TRIT1: variants seen among roughly 807,000 people sequenced by gnomAD.
TRIT1 encodes the protein tRNA dimethylallyltransferase.
In TRIT1, 43 loss-of-function variants were observed where a neutral mutation model predicts 51.2. The observed-to-expected ratio is 0.84, with a 90% CI of 0.66 to 1.08. The LOEUF (loss-of-function observed/expected upper bound fraction) is 1.08. Ranked by LOEUF, TRIT1 falls within the 50% of genes least tolerant of loss-of-function variation. The probability of loss-of-function intolerance (pLI) is 0.00; values close to 1 mark genes in which losing one functional copy is unlikely to be tolerated. For synonymous variants in TRIT1, 184 were observed against 203.9 expected (o/e 0.90, Z 0.83); for missense variants, 528 against 578.4 (o/e 0.91, Z 0.89).
At chr1:39,864,943 C>T (rs150563368) in intron 1 of TRIT1, among the ~76,000 whole-genome samples, 32 of 152,292 alleles carry the variant, frequency 2.1e-4, no homozygotes, top group African/African-American at 7.7e-4. Context: ...TTATGTCCTT[C>T]CCATTTCAAA....
At chr1:39,867,731 C>A (rs1254947054) in intron 1 of TRIT1, among the ~76,000 whole-genome samples, 1 of 152,166 alleles carries the variant, frequency 6.6e-6, no homozygotes, top group African/African-American at 2.4e-5. Context: ...TACTCAGGCT[C>A]CCCTGGCCAT....
At position 39,872,390 on chromosome 1, in the gene TRIT1, AAAAC is replaced by A. The variant is rs199846908; in HGVS notation, c.174+10924_174+10927del. On this transcript the variant is annotated intron_variant, in intron 1 of 10. Transcript: ENST00000316891. Reference sequence around the variant, plus strand: ...GTTACTACTCGATACTGTAAGGATAAAAACAAACAAACAAACTGTAGGCAAACAT... The same window carrying A: ...GTTACTACTCGATACTGTAAGGATAAAAACAAACAAACTGTAGGCAAACAT... Among the ~76,000 whole-genome samples, 1,312 of 152,326 alleles carry A rather than the reference AAAAC, an allele frequency of 8.6e-3. 13 individuals carry two copies. The highest frequency in any genetic ancestry group is 0.027 in the Middle Eastern group (8 of 294).
At position 39,841,600 on chromosome 1, in the gene TRIT1, C is replaced by T; in HGVS notation, c.*144G>A. On this transcript the variant is annotated 3_prime_UTR_variant, in exon 11 of 11. Transcript: ENST00000316891. ...TTATAGAGAACGTGAGACTTTAAAA[C>T]CACATCAAAAGAAAATGGTGGGAGC... 1.2e-6 allele frequency: 1 copy of T among 805,998 alleles called. No homozygotes were observed. The highest frequency in any genetic ancestry group is 1.9e-6 in the Non-Finnish European group (1 of 534,380). The allele number at this position is 805,998 out of a possible 1,614,324, so 49.9% of individuals were successfully genotyped here.
At chr1:39,882,579 G>A (rs140689040) in intron 1 of TRIT1, among the ~76,000 whole-genome samples, 4 of 152,252 alleles carry the variant, frequency 2.6e-5, no homozygotes, top group Admixed American at 2.0e-4. Flanking sequence ...AGAGGACAAA[G>A]CCCCTTCAAC....
intron 1 of TRIT1, among the ~76,000 whole-genome samples, chr1:39,860,092 G>T (rs10489534): frequency 0.09 from 13,712 of 152,178 alleles, 1,237 homozygotes; most frequent in East Asian, 0.29. Flanking sequence ...AGTGGCCTAT[G>T]GTACTGCTTA....
chr1:39,877,328 TAA>T lies in TRIT1; in HGVS notation c.174+5988_174+5989del, dbSNP rs57539376. 3.5e-3 allele frequency among the ~76,000 whole-genome samples: 398 copies of T among 113,042 alleles called. 1 individual carries two copies. Among genetic ancestry groups the T allele is most frequent in the African/African-American group, 0.011 (334 of 30,594 alleles). 74.2% of individuals were successfully genotyped at this position (113,042 alleles called of 152,430 possible). On this transcript the variant is annotated intron_variant, in intron 1 of 10. Transcript: ENST00000316891. Reference sequence around the variant, plus strand: ...AGCCTGGGCAACATGGTGCTTCTATTAAAAAAAAAAAAAAAAAAAAAAGAACA... The same window carrying T: ...AGCCTGGGCAACATGGTGCTTCTATTAAAAAAAAAAAAAAAAAAAAGAACA...
chr1:39,852,584 A>G (rs1642643854), intron 4 of TRIT1, 147 bp downstream of exon 4: 1 of 921,866 alleles, frequency 1.1e-6, no homozygotes, highest in Non-Finnish European at 1.7e-6. Flanking sequence ...GCAATAACTC[A>G]GGGCCTCCCA....
rs531333036 is a variant in TRIT1 at position 39,840,281 on chromosome 1, G to T, written c.*1463C>A. 6.6e-6 allele frequency among the ~76,000 whole-genome samples: 1 copy of T among 152,234 alleles called. No homozygotes were observed. Among genetic ancestry groups the T allele is most frequent in the East Asian group, 1.9e-4 (1 of 5,184 alleles). On this transcript the variant is annotated 3_prime_UTR_variant, in exon 11 of 11. Coordinates refer to ENST00000316891, the MANE Select transcript of TRIT1 (RefSeq NM_017646.6). ...TTGAGATTCAAATCAGTTAAAAGTG[G>T]GTGAGGCTCTGGAATTCAGCACTGT...
intron 1 of TRIT1, among the ~76,000 whole-genome samples, chr1:39,877,771 A>G (rs1353201684): frequency 2.0e-5 from 3 of 152,190 alleles, no homozygotes; most frequent in Non-Finnish European, 2.9e-5. Flanking sequence ...ATCAGACTCT[A>G]CAAATGAGTT....
chr1:39,865,466 T>G (rs371441053), intron 1 of TRIT1, among the ~76,000 whole-genome samples: 1 of 152,126 alleles, frequency 6.6e-6, no homozygotes, highest in South Asian at 2.1e-4. Flanking sequence ...CTTTTTGTGG[T>G]GCCAGACCTG....
At chr1:39,876,750 A>G (rs1379717668) in intron 1 of TRIT1, among the ~76,000 whole-genome samples, 1 of 151,770 alleles carries the variant, frequency 6.6e-6, no homozygotes, top group African/African-American at 2.4e-5. Flanking sequence ...AACACGGTGA[A>G]ACCCTGTCTC....
At chr1:39,848,814 C>T (rs1642388117) in intron 5 of TRIT1, among the ~76,000 whole-genome samples, 1 of 150,830 alleles carries the variant, frequency 6.6e-6, no homozygotes, top group Admixed American at 6.6e-5. Context: ...CAGGGCGAGA[C>T]TCTGTCTCAA....
rs1365570019 is a variant in TRIT1, at chr1:39,848,965, TA to T, written c.704-869del. 2.0e-5 allele frequency among the ~76,000 whole-genome samples: 3 copies of T among 152,070 alleles called. No individual in the cohort carries two copies. In the East Asian group the frequency reaches 5.8e-4, roughly 29 times the overall value. Reference sequence around the variant, plus strand: ...CCATTATTTTATGCTGCCTGTAGAGTAAAAGTTTTTGTTTATAAAATTTCAT... The same window carrying T: ...CCATTATTTTATGCTGCCTGTAGAGTAAAGTTTTTGTTTATAAAATTTCAT... On this transcript the variant is annotated intron_variant, in intron 5 of 10. Transcript: ENST00000316891.
intron 1 of TRIT1, among the ~76,000 whole-genome samples, chr1:39,857,811 T>C (rs187767488): frequency 7.9e-5 from 12 of 152,360 alleles, no homozygotes; most frequent in Admixed American, 7.2e-4. Context: ...TACTTCAAAA[T>C]GCTTAGGTAT....
intron 1 of TRIT1, among the ~76,000 whole-genome samples, chr1:39,865,353 A>G (rs1643477232): frequency 6.6e-6 from 1 of 152,236 alleles, no homozygotes; most frequent in South Asian, 2.1e-4. Flanking sequence ...TATGGCATCC[A>G]TCTGCCTTTT....
intron 4 of TRIT1, among the ~76,000 whole-genome samples, chr1:39,851,761 A>G (rs1353266783): frequency 6.6e-6 from 1 of 151,792 alleles, no homozygotes; most frequent in African/African-American, 2.4e-5. Context: ...TGGGCAACAC[A>G]GCAAAACATC....
intron 2 of TRIT1, 106 bp from the exon 3 acceptor site, chr1:39,854,174 AG>A: frequency 1.2e-6 from 1 of 829,824 alleles, no homozygotes; most frequent in Non-Finnish European, 1.9e-6. Flanking sequence ...CAGAGGAGAA[AG>A]GGTGGGAACC....
Position 39,840,423 on chromosome 1 carries a change from T to A in TRIT1, c.*1321A>T, listed in dbSNP as rs545419098. 6.6e-6 allele frequency among the ~76,000 whole-genome samples: 1 copy of A among 152,198 alleles called. No homozygotes were observed. The highest frequency in any genetic ancestry group is 1.5e-5 in the Non-Finnish European group (1 of 68,044). The stretch of plus-strand genomic sequence containing the variant: ...ATTGCTTTTCAAGGTGCAGCAGAAA[T>A]GCTCCTCCTTCCATGATCCCTTCCC... On this transcript the variant is annotated 3_prime_UTR_variant, in exon 11 of 11. Transcript: ENST00000316891.
chr1:39,847,014 C>A, intron 8 of TRIT1: 1 of 531,038 alleles, frequency 1.9e-6, no homozygotes, highest in East Asian at 3.1e-5. Context: ...AGAAGGCAGA[C>A]TCCTCAATGC....
Sources: gnomAD v4.1 joint callset for allele counts (sites outside exome capture counted in the v4.1 genomes callset) on GRCh38, gnomAD v4.1.1 for gene constraint, MANE v1.5 for transcripts, NCBI Gene and HGNC (gene_info 2026-07-23, HGNC 2026-07-21) for gene names.